The following SPATA16 variants were observed in gnomAD, a reference collection of about 807,000 sequenced individuals.
SPATA16 encodes spermatogenesis associated 16.
Under a neutral mutation model 63.3 loss-of-function variants are expected in SPATA16, and 36 were observed. The ratio of observed to expected loss-of-function variants is 0.57; its 90% CI spans 0.44 to 0.75. The LOEUF is 0.75. SPATA16 is among the 30% of genes least tolerant of loss of function. SPATA16 has a pLI of 0.00. For missense variants in SPATA16, 646 were observed against 679.3 expected, an observed-to-expected ratio of 0.95 and a Z score of 0.54; for synonymous variants, 203 against 216.7, an observed-to-expected ratio of 0.94 and a Z score of 0.56.
At chr3:173,069,488 A>G (rs911917954) in intron 2 of SPATA16, among the ~76,000 whole-genome samples, 1 of 152,240 alleles carries the variant, frequency 6.6e-6, no homozygotes, top group African/African-American at 2.4e-5. Context: ...AGAAGCAATA[A>G]TAAAAAGTCT....
At chr3:173,038,007 G>A (rs989403940) in intron 3 of SPATA16, among the ~76,000 whole-genome samples, 2 of 151,996 alleles carry the variant, frequency 1.3e-5, no homozygotes, top group African/African-American at 4.8e-5. Flanking sequence ...AAAGTCGAAG[G>A]GATAGCAGAG....
chr3:173,067,118 C>T (rs563291060), intron 2 of SPATA16, among the ~76,000 whole-genome samples: 12 of 151,346 alleles, frequency 7.9e-5, no homozygotes, highest in East Asian at 5.8e-4. Context: ...TACAATCAGA[C>T]GAGAAAAAGG....
At chr3:173,073,713 A>G (rs1362582389) in intron 2 of SPATA16, among the ~76,000 whole-genome samples, 2 of 152,338 alleles carry the variant, frequency 1.3e-5, no homozygotes, top group South Asian at 2.1e-4. Flanking sequence ...GCAGAAGGGA[A>G]ATATGGGGTT....
intron 1 of SPATA16, among the ~76,000 whole-genome samples, chr3:173,130,478 C>T (rs139305979): frequency 2.6e-5 from 4 of 152,060 alleles, no homozygotes; most frequent in Non-Finnish European, 1.5e-5. Flanking sequence ...TTAACTTAAC[C>T]CCTACACTGT....
At position 172,916,340 on chromosome 3, in the gene SPATA16, T is replaced by C. The variant is rs1465438541; in HGVS notation, c.1480A>G (p.Ile494Val). Reference sequence around the variant, plus strand: ...ACCAATTCTGCCTCCTGTTGACTGATGTCCTGTAGGTAGGGAATGGTTGCT... The same window carrying C: ...ACCAATTCTGCCTCCTGTTGACTGACGTCCTGTAGGTAGGGAATGGTTGCT... ...ELATIPYLQD[I>V]SQQEAELLQS... is the part of the protein sequence containing the mutation. The change falls in exon 9 of 11, where the codon ATC (isoleucine) becomes GTC (valine). Residue 494 changes from isoleucine to valine, a missense_variant. Ile to Val is a conservative substitution (Grantham distance 29). Transcript: ENST00000351008. 1.9e-6 allele frequency: 3 copies of C among 1,613,692 alleles called. No individual in the cohort carries two copies. The highest frequency in any genetic ancestry group is 2.5e-6 in the Non-Finnish European group (3 of 1,179,684).
At chr3:173,134,706 CTCAGGTAT>C (rs1738492607) in intron 1 of SPATA16, among the ~76,000 whole-genome samples, 1 of 152,126 alleles carries the variant, frequency 6.6e-6, no homozygotes, top group South Asian at 2.1e-4. Context: ...ATTACCCAGT[CTCAGGTAT>C]TCTGCTATAG....
chr3:172,952,769 G>A (rs1909515), intron 6 of SPATA16, among the ~76,000 whole-genome samples: 53,233 of 151,562 alleles, frequency 0.35, 9,703 homozygotes, highest in African/African-American at 0.43. Context: ...GTGAAACCCC[G>A]TCTCTACTAA....
chr3:172,961,060 TTTC>T (rs1405469890), intron 5 of SPATA16, among the ~76,000 whole-genome samples: 2,387 of 49,794 alleles, frequency 0.048, 158 homozygotes, highest in African/African-American at 0.13. Context: ...TCTTTCTTTC[TTTC>T]TTCTTTCTTC....
chr3:173,099,027 G>T (rs946645535), intron 2 of SPATA16, among the ~76,000 whole-genome samples: 1 of 152,258 alleles, frequency 6.6e-6, no homozygotes, highest in East Asian at 1.9e-4. Flanking sequence ...AACACTGTCT[G>T]CTTCTCATAT....
At chr3:172,916,616 C>T (rs1291721332) in intron 8 of SPATA16, 135 bp from the exon 9 acceptor site, 4 of 976,214 alleles carry the variant, frequency 4.1e-6, no homozygotes, top group Admixed American at 3.9e-5. Flanking sequence ...TACATGTTTC[C>T]TTCTACCATT....
At chr3:172,932,869 C>A (rs1386202105) in intron 6 of SPATA16, among the ~76,000 whole-genome samples, 1 of 152,038 alleles carries the variant, frequency 6.6e-6, no homozygotes, top group African/African-American at 2.4e-5. Context: ...GGTTTTCATT[C>A]CCGAGATTCC....
Position 173,096,136 on chromosome 3 carries a change from A to G in SPATA16, c.612+20984T>C, listed in dbSNP as rs149197257. Among the ~76,000 whole-genome samples the G allele has an allele frequency of 1.4e-3, 210 of 152,202 alleles. 1 individual carries two copies. The highest frequency in any genetic ancestry group is 2.2e-3 in the Non-Finnish European group (150 of 67,956). ...TAATAAATATTATTGCTAAACTACTATCCCATTTCTTGAAAATACGAACAT... is the reference window on the plus strand; with the variant it reads ...TAATAAATATTATTGCTAAACTACTGTCCCATTTCTTGAAAATACGAACAT... On this transcript the variant is annotated intron_variant, in intron 2 of 10. Coordinates refer to ENST00000351008, the MANE Select transcript of SPATA16 (RefSeq NM_031955.6).
intron 10 of SPATA16, among the ~76,000 whole-genome samples, chr3:172,904,648 T>C (rs540372793): frequency 6.6e-6 from 1 of 152,282 alleles, no homozygotes; most frequent in African/African-American, 2.4e-5. Context: ...CTGCTGAAAA[T>C]GTTTTACCTA....
At chr3:173,012,111 C>G (rs1735087263) in intron 4 of SPATA16, among the ~76,000 whole-genome samples, 1 of 152,174 alleles carries the variant, frequency 6.6e-6, no homozygotes, top group Non-Finnish European at 1.5e-5. Flanking sequence ...AGACATGAGT[C>G]ACCATGCCTA....
At chr3:173,013,291 A>G (rs114266182) in intron 4 of SPATA16, among the ~76,000 whole-genome samples, 5,201 of 152,324 alleles carry the variant, frequency 0.034, 301 homozygotes, top group African/African-American at 0.12. Context: ...GCTGCAGAGA[A>G]AAGAGAATGC....
rs375952137 is a variant in SPATA16 at position 173,111,870 on chromosome 3, A to G, written c.612+5250T>C. Reference sequence around the variant, plus strand: ...GTGTTCTAGAAGAGTGATTCCCAAAAGCTGGTTCTCAGACCAATGTTTTAC... The same window carrying G: ...GTGTTCTAGAAGAGTGATTCCCAAAGGCTGGTTCTCAGACCAATGTTTTAC... On this transcript the variant is annotated intron_variant, in intron 2 of 10. Transcript: ENST00000351008. Among the ~76,000 whole-genome samples the G allele has an allele frequency of 2.6e-5, 4 of 152,210 alleles. No homozygotes were observed. The East Asian group carries it at 5.8e-4, about 22-fold the overall frequency.
At chr3:173,010,137 T>A (rs1337158355) in intron 4 of SPATA16, among the ~76,000 whole-genome samples, 1 of 152,222 alleles carries the variant, frequency 6.6e-6, no homozygotes, top group East Asian at 1.9e-4. Flanking sequence ...GTAGGTTCCT[T>A]ACCTCCAGAC....
chr3:173,131,271 C>T (rs1362422230), intron 1 of SPATA16, among the ~76,000 whole-genome samples: 1 of 152,146 alleles, frequency 6.6e-6, no homozygotes, highest in Non-Finnish European at 1.5e-5. Context: ...TTATACTCTG[C>T]TTATGGGTGG....
chr3:173,035,561 T>A (rs1237341130), intron 3 of SPATA16, among the ~76,000 whole-genome samples: 2 of 152,048 alleles, frequency 1.3e-5, no homozygotes, highest in Admixed American at 1.3e-4. Flanking sequence ...AGTGAAAGGA[T>A]TTTTAATTTT....
Sources: gnomAD v4.1 joint callset for allele counts (sites outside exome capture counted in the v4.1 genomes callset) on GRCh38, gnomAD v4.1.1 for gene constraint, MANE v1.5 for transcripts, NCBI Gene and HGNC (gene_info 2026-07-23, HGNC 2026-07-21) for gene names.